LPP: variants seen among roughly 807,000 people sequenced by gnomAD.
LPP encodes LIM domain containing preferred translocation partner in lipoma.
Under a neutral mutation model 60.4 loss-of-function variants are expected in LPP, and 38 were observed. The ratio of observed to expected loss-of-function variants is 0.63; its 90% confidence interval spans 0.49 to 0.83. LPP has a LOEUF of 0.83. Among genes scored for constraint, LPP ranks in the 40% least tolerant of loss-of-function variants. The pLI is 0.00. For missense variants in LPP, 902 were observed against 783.6 expected (o/e 1.15, Z -1.80); for synonymous variants, 328 against 290.8 (o/e 1.13, Z -1.30).
chr3:188,727,982 C>CA (rs1719044918), intron 8 of LPP, among the ~76,000 whole-genome samples: 1 of 152,132 alleles, frequency 6.6e-6, no homozygotes. Flanking sequence ...TCCTAATACT[C>CA]ATTCATAGAA....
intron 3 of LPP, among the ~76,000 whole-genome samples, chr3:188,365,943 G>A (rs1578361105): frequency 6.6e-6 from 1 of 152,076 alleles, no homozygotes; most frequent in East Asian, 1.9e-4. Context: ...AATTTCAAGT[G>A]TACAATACAG....
intron 4 of LPP, among the ~76,000 whole-genome samples, chr3:188,478,384 T>C (rs560951290): frequency 6.6e-6 from 1 of 152,306 alleles, no homozygotes; most frequent in South Asian, 2.1e-4. Flanking sequence ...CATTTCAATG[T>C]GTGTTTTATT....
intron 9 of LPP, among the ~76,000 whole-genome samples, chr3:188,812,076 C>T (rs1751163124): frequency 6.6e-6 from 1 of 152,094 alleles, no homozygotes. Flanking sequence ...TTCTTATTCC[C>T]TTACGTTCCT....
At chr3:188,273,823 T>C (rs1009636238) in intron 2 of LPP, among the ~76,000 whole-genome samples, 1 of 152,036 alleles carries the variant, frequency 6.6e-6, no homozygotes, top group African/African-American at 2.4e-5. Flanking sequence ...CTCAAACTCT[T>C]GACCTCAGGT....
intron 4 of LPP, among the ~76,000 whole-genome samples, chr3:188,425,154 G>T (rs527499709): frequency 1.3e-5 from 2 of 152,016 alleles, no homozygotes; most frequent in Non-Finnish European, 2.9e-5. Context: ...TTTAGCATGA[G>T]GTGGTGTTGA....
intron 6 of LPP, among the ~76,000 whole-genome samples, chr3:188,563,897 G>C (rs540703429): frequency 6.6e-6 from 1 of 151,882 alleles, no homozygotes; most frequent in South Asian, 2.1e-4. Context: ...TTGTGGCCAA[G>C]AGAGTAAATG....
At chr3:188,680,007 G>T (rs1293679272) in intron 7 of LPP, among the ~76,000 whole-genome samples, 2 of 152,266 alleles carry the variant, frequency 1.3e-5, no homozygotes, top group Admixed American at 6.5e-5. Flanking sequence ...CAGCAAAATT[G>T]TCATTAGAAT....
Position 188,203,411 on chromosome 3 carries a change from T to TAC in LPP, c.-189-21993_-189-21992insCA, listed in dbSNP as rs1303298845. ...ATATATTAATATATATTTTTATAAA[T>TAC]ATATATATAATATAAATATAAATAT... is the stretch of plus-strand genomic sequence containing the variant. On this transcript the variant is annotated intron_variant, in intron 1 of 11. Transcript: ENST00000617246. Among the ~76,000 whole-genome samples the TAC allele has an allele frequency of 2.9e-4, 15 of 52,216 alleles. No homozygotes were observed. In the South Asian group the frequency reaches 0.011, roughly 38 times the overall value. 34.3% of individuals were successfully genotyped at this position (52,216 alleles called of 152,430 possible).
chr3:188,886,727 C>A lies in LPP; in HGVS notation c.*12248C>A, dbSNP rs1249070710. 3.4e-5 allele frequency: 6 copies of A among 174,562 alleles called. No individual in the cohort carries two copies. The highest frequency in any genetic ancestry group is 5.0e-5 in the Non-Finnish European group (5 of 99,886). The allele number at this position is 174,562 out of a possible 1,614,324, so 10.8% of individuals were successfully genotyped here. A position where few individuals can be genotyped will look rare whatever the true frequency, so the allele number is the denominator to read the frequency against. ...AATTGTATTGTCTTCAAAACACACA[C>A]ACACACACATACACACACACACACA... On this transcript the variant is annotated 3_prime_UTR_variant, in exon 12 of 12. Transcript: ENST00000617246.
intron 6 of LPP, among the ~76,000 whole-genome samples, chr3:188,569,642 A>G (rs2150819789): frequency 6.6e-6 from 1 of 151,936 alleles, no homozygotes. Context: ...CATTTCTCCC[A>G]TTTTTCAGCA....
At chr3:188,195,918 G>A (rs1729405751) in intron 1 of LPP, among the ~76,000 whole-genome samples, 1 of 152,122 alleles carries the variant, frequency 6.6e-6, no homozygotes, top group Non-Finnish European at 1.5e-5. Context: ...TTCTGAGAGC[G>A]TGGCATCTCG....
chr3:188,579,731 G>T (rs560790348), intron 6 of LPP, among the ~76,000 whole-genome samples: 3 of 151,436 alleles, frequency 2.0e-5, no homozygotes, highest in African/African-American at 4.9e-5. Context: ...ATGCTGAGGC[G>T]GTATGATCCC....
intron 4 of LPP, among the ~76,000 whole-genome samples, chr3:188,446,872 G>C (rs142027179): frequency 7.4e-4 from 112 of 152,236 alleles, no homozygotes; most frequent in African/African-American, 1.9e-3. Context: ...CTAGAAATGT[G>C]GATTCTATTA....
intron 2 of LPP, among the ~76,000 whole-genome samples, chr3:188,316,014 C>T (rs1754934928): frequency 2.0e-5 from 3 of 152,182 alleles, no homozygotes; most frequent in Non-Finnish European, 2.9e-5. Flanking sequence ...TGGCTTACGC[C>T]TATAATCCCA....
intron 6 of LPP, among the ~76,000 whole-genome samples, chr3:188,549,903 G>C (rs1827633746): frequency 6.6e-6 from 1 of 152,158 alleles, no homozygotes; most frequent in Admixed American, 6.5e-5. Context: ...AAAAGGCCTT[G>C]CTTAGTGTGC....
At chr3:188,415,625 T>C (rs1281380698) in intron 4 of LPP, among the ~76,000 whole-genome samples, 1 of 152,000 alleles carries the variant, frequency 6.6e-6, no homozygotes, top group East Asian at 1.9e-4. Context: ...TAAAAAAGAA[T>C]GAAGTATTGT....
chr3:188,228,191 T>A (rs1290772105), intron 2 of LPP, among the ~76,000 whole-genome samples: 2 of 152,186 alleles, frequency 1.3e-5, no homozygotes, highest in South Asian at 4.1e-4. Flanking sequence ...GTTACGGGAA[T>A]GAGACCATGG....
chr3:188,869,767 T>C (rs887616474), intron 10 of LPP, among the ~76,000 whole-genome samples: 4 of 152,230 alleles, frequency 2.6e-5, no homozygotes, highest in African/African-American at 9.6e-5. Flanking sequence ...TCTGGAATAC[T>C]GTTTTTGAGA....
chr3:188,267,257 G>A (rs1372191033), intron 2 of LPP, among the ~76,000 whole-genome samples: 13 of 152,156 alleles, frequency 8.5e-5, no homozygotes. Context: ...GCTCACTGCT[G>A]TGCATGCTCT....
Sources: gnomAD v4.1 joint callset for allele counts (sites outside exome capture counted in the v4.1 genomes callset) on GRCh38, gnomAD v4.1.1 for gene constraint, MANE v1.5 for transcripts, NCBI Gene and HGNC (gene_info 2026-07-23, HGNC 2026-07-21) for gene names.